Variants in ARHGEF18 observed in about 807,000 individuals in gnomAD.
ARHGEF18 encodes rho guanine nucleotide exchange factor 18.
ARHGEF18 carries 93 observed loss-of-function variants against 155.7 expected under a neutral mutation model. That is an observed-to-expected ratio of 0.60 (90% CI 0.50 to 0.71). The LOEUF (loss-of-function observed/expected upper bound fraction) is 0.71, where lower values mean the gene tolerates loss of function less well. Ranked by LOEUF, ARHGEF18 falls within the 30% of genes least tolerant of loss-of-function variation. The pLI is 0.00. For synonymous variants in ARHGEF18, 742 were observed against 753.1 expected, an observed-to-expected ratio of 0.99 and a Z score of 0.24; for missense variants, 1,593 against 1,816.1, an observed-to-expected ratio of 0.88 and a Z score of 2.23.
intron 10 of ARHGEF18, among the ~76,000 whole-genome samples, chr19:7,422,286 C>A (rs528483945): frequency 1.3e-5 from 2 of 152,022 alleles, no homozygotes; most frequent in South Asian, 4.2e-4. Flanking sequence ...CCCCGCCCAG[C>A]CTGCCTTTTA....
rs546993799 is a variant in ARHGEF18, at chr19:7,440,113, C to T, written c.968-231C>T. ...GCCCCGGGCGCGAACATGGGGAATG[C>T]GCACTCCAAAAGCGGGGACAGGCAC... On this transcript the variant is annotated intron_variant, in intron 10 of 28. Transcript: ENST00000668164. The surrounding 1 kb of genome is among the most constrained non-coding windows in gnomAD (Gnocchi z 5.4). The T allele has an allele frequency of 9.0e-6, 14 of 1,551,010 alleles. No individual in the cohort carries two copies. Among genetic ancestry groups the T allele is most frequent in the Middle Eastern group, 3.3e-4 (2 of 5,972 alleles).
In ARHGEF18 at chr19:7,467,601, G is replaced by C. The variant is rs1357242787; in HGVS notation, c.3397G>C (p.Glu1133Gln). Residue 1133 changes from glutamate to glutamine, a missense_variant, in exon 26 of 29, where the codon GAG becomes CAG. Glu to Gln is a conservative substitution (Grantham distance 29). Coordinates refer to ENST00000668164, the MANE Select transcript of ARHGEF18 (RefSeq NM_001367823.1). ...LREAQRAVER[E>Q]RERLELLRRL... ...CGAGGCCCAGCGTGCCGTGGAGCGC[G>C]AGCGGGAGCGCCTGGAGCTGCTGCG... The C allele has an allele frequency of 7.3e-6, 11 of 1,509,348 alleles. No homozygotes were observed. Among genetic ancestry groups the C allele is most frequent in the Non-Finnish European group, 7.9e-6 (9 of 1,136,956 alleles). 93.5% of individuals were successfully genotyped at this position (1,509,348 alleles called of 1,614,324 possible).
downstream of ARHGEF18, among the ~76,000 whole-genome samples, chr19:7,474,539 C>T (rs1001132297): frequency 4.0e-5 from 6 of 151,780 alleles, no homozygotes; most frequent in African/African-American, 9.7e-5. Context: ...CCATCATGCC[C>T]GGCTAATTTT....
chr19:7,380,827 C>A, intron 7 of ARHGEF18, 90 bp from the exon 8 acceptor site: 1 of 797,754 alleles, frequency 1.3e-6, no homozygotes, highest in Non-Finnish European at 1.7e-6. Context: ...AGACGGGGTA[C>A]CTGGTGTATG....
chr19:7,354,454 G>A lies in ARHGEF18; in HGVS notation c.-111+5213G>A, dbSNP rs116327360. Among the ~76,000 whole-genome samples, 347 of 152,276 alleles carry A rather than the reference G, an allele frequency of 2.3e-3. 2 individuals carry two copies. The highest frequency in any genetic ancestry group is 7.8e-3 in the African/African-American group (325 of 41,554). ...AAGGAGGGAGTCACACAGCAAGTACGTGCTGGAGGAGCTGGGATTTGAAGC... is the reference window on the plus strand; with the variant it reads ...AAGGAGGGAGTCACACAGCAAGTACATGCTGGAGGAGCTGGGATTTGAAGC... On this transcript the variant is annotated intron_variant, in intron 1 of 28. Coordinates refer to ENST00000668164, the MANE Select transcript of ARHGEF18 (RefSeq NM_001367823.1).
At chr19:7,426,248 G>A (rs1973654307) in intron 10 of ARHGEF18, among the ~76,000 whole-genome samples, 1 of 152,132 alleles carries the variant, frequency 6.6e-6, no homozygotes, top group African/African-American at 2.4e-5. Flanking sequence ...AACACTTTGG[G>A]AGGCTGAGGC....
chr19:7,442,133 CCTTCCTTCCTTCCTT>C (rs1974693193), intron 13 of ARHGEF18, 81 bp downstream of exon 13: 2 of 127,048 alleles, frequency 1.6e-5, no homozygotes, highest in African/African-American at 2.3e-4. Flanking sequence ...TCCCTTCCTT[CCTTCCTTCCTTCCTT>C]CCTTCCTTCC....
chr19:7,426,314 C>G (rs8100171), intron 10 of ARHGEF18, among the ~76,000 whole-genome samples: 3 of 151,390 alleles, frequency 2.0e-5, no homozygotes, highest in African/African-American at 7.3e-5. Context: ...ATGATGAAAC[C>G]TGTCTCTACT....
chr19:7,433,137 G>C (rs1200173772), intron 10 of ARHGEF18, among the ~76,000 whole-genome samples: 2 of 150,736 alleles, frequency 1.3e-5, no homozygotes, highest in African/African-American at 4.9e-5. Flanking sequence ...CTCTAGCCTA[G>C]ATGATGGAGC....
chr19:7,407,961 CAAAAAAAAAA>C (rs71179104), intron 10 of ARHGEF18, among the ~76,000 whole-genome samples: 3 of 48,824 alleles, frequency 6.1e-5, no homozygotes, highest in South Asian at 1.2e-3. Flanking sequence ...GACTCCGTCT[CAAAAAAAAAA>C]AAAAAAAAAA....
chr19:7,370,499 A>G (rs1255834578), intron 2 of ARHGEF18, among the ~76,000 whole-genome samples: 1 of 152,130 alleles, frequency 6.6e-6, no homozygotes, highest in African/African-American at 2.4e-5. Flanking sequence ...CCATCTCAAA[A>G]AATAATAAAT....
At chr19:7,450,545 C>T (rs1215583815) in intron 15 of ARHGEF18, among the ~76,000 whole-genome samples, 1 of 6,846 alleles carries the variant, frequency 1.5e-4, no homozygotes, top group Non-Finnish European at 2.3e-4. Context: ...CAGGATCTTG[C>T]TTTCTGTTTC....
intron 15 of ARHGEF18, among the ~76,000 whole-genome samples, chr19:7,450,295 GTTTCCATTTCCAAGACGTTAATACA>G (rs1975293330): frequency 0.059 from 54 of 920 alleles, no homozygotes; most frequent in Admixed American, 0.24. Flanking sequence ...CTTGCTTTCT[GTTTCCATTTCCAAGACGTTAATACA>G]GGATCTTGCT....
intron 1 of ARHGEF18, among the ~76,000 whole-genome samples, chr19:7,360,687 C>T (rs1474157968): frequency 6.6e-6 from 1 of 152,232 alleles, no homozygotes; most frequent in African/African-American, 2.4e-5. Context: ...TCCTCCAGCC[C>T]TAAGGGGACT....
chr19:7,366,801 C>T (rs576250637), intron 2 of ARHGEF18, among the ~76,000 whole-genome samples: 14 of 152,156 alleles, frequency 9.2e-5, no homozygotes, highest in African/African-American at 3.4e-4. Flanking sequence ...TCTTCTCTGT[C>T]ACCCAGGTTG....
rs903921175 is a variant in ARHGEF18, at chr19:7,405,691, A to G, written c.967+22488A>G. ...AGTGGTGCGATCATAGCTCACTGCAACCTCTACCTGCCAGGCTCAAGCAAT... is the reference window on the plus strand; with the variant it reads ...AGTGGTGCGATCATAGCTCACTGCAGCCTCTACCTGCCAGGCTCAAGCAAT... On this transcript the variant is annotated intron_variant, in intron 10 of 28. Coordinates refer to ENST00000668164, the MANE Select transcript of ARHGEF18 (RefSeq NM_001367823.1). Among the ~76,000 whole-genome samples, 4 of 151,484 alleles carry G rather than the reference A, an allele frequency of 2.6e-5. No individual in the cohort carries two copies. In the South Asian group the frequency reaches 6.2e-4, roughly 24 times the overall value.
At chr19:7,476,597 A>AGC (rs1168749612), downstream of ARHGEF18, among the ~76,000 whole-genome samples, 2 of 152,252 alleles carry the variant, frequency 1.3e-5, no homozygotes, top group African/African-American at 4.8e-5. Flanking sequence ...CTGCGTCGGC[A>AGC]GCACAGTGGC....
At chr19:7,406,686 A>C (rs1339263617) in intron 10 of ARHGEF18, among the ~76,000 whole-genome samples, 1 of 152,142 alleles carries the variant, frequency 6.6e-6, no homozygotes, top group Non-Finnish European at 1.5e-5. Context: ...TTGCAGTTCT[A>C]AAAGGAATGC....
intron 10 of ARHGEF18, among the ~76,000 whole-genome samples, chr19:7,424,136 C>G (rs1306328178): frequency 6.6e-6 from 1 of 152,102 alleles, no homozygotes; most frequent in Non-Finnish European, 1.5e-5. Context: ...AAGCGATTCT[C>G]CTGCCTCAGC....
Sources: allele counts gnomAD v4.1 joint callset (sites outside exome capture counted in the v4.1 genomes callset), GRCh38; gene constraint gnomAD v4.1.1; non-coding constraint Gnocchi (gnomAD v3.1); transcripts MANE v1.5; gene names NCBI Gene and HGNC (gene_info 2026-07-23, HGNC 2026-07-21).